The following ZNF732 variants were observed in gnomAD, a reference collection of about 807,000 sequenced individuals.
ZNF732 encodes zinc finger protein 732.
Under a neutral mutation model 11.5 loss-of-function variants are expected in ZNF732, and 12 were observed. The ratio of observed to expected loss-of-function variants is 1.05; its 90% CI spans 0.67 to 1.70. ZNF732 has a LOEUF of 1.70. Ranked by LOEUF, ZNF732 falls within the 40% of genes most tolerant of loss-of-function variation. The pLI, the probability that ZNF732 is intolerant of heterozygous loss-of-function variation, is 0.00. For synonymous variants in ZNF732, 231 were observed against 236.5 expected (o/e 0.98, Z 0.21); for missense variants, 702 against 676.9 (o/e 1.04, Z -0.41).
intron 3 of ZNF732, among the ~76,000 whole-genome samples, chr4:284,891 A>AAAAAAAAAAAAAAAAAAG (rs782343752): frequency 4.6e-5 from 6 of 129,120 alleles, no homozygotes; most frequent in East Asian, 2.2e-4. Context: ...AAAAAAAAAA[A>AAAAAAAAAAAAAAAAAAG]AAGAAGAAGA....
At position 304,758 on chromosome 4, in the gene ZNF732, C is replaced by A. The variant is rs984162623; in HGVS notation, c.3+550G>T. 5.3e-5 allele frequency among the ~76,000 whole-genome samples: 8 copies of A among 152,226 alleles called. No homozygotes were observed. In the South Asian group the frequency reaches 8.3e-4, roughly 16 times the overall value. On this transcript the variant is annotated intron_variant, in intron 1 of 3. Transcript: ENST00000419098. ...AAGATGCCACTCAGGAACAGCCACGCGGAGGAGGCGCACAGGGCAAGGGGA... is the reference window on the plus strand; with the variant it reads ...AAGATGCCACTCAGGAACAGCCACGAGGAGGAGGCGCACAGGGCAAGGGGA...
intron 3 of ZNF732, among the ~76,000 whole-genome samples, chr4:288,627 T>G (rs969490777): frequency 9.9e-5 from 15 of 152,266 alleles, no homozygotes; most frequent in African/African-American, 3.6e-4. Context: ...CCTCACTGTT[T>G]TTATTTATGT....
At chr4:295,584 C>G in intron 2 of ZNF732, 51 bp from the exon 3 acceptor site, 1 of 1,391,508 alleles carries the variant, frequency 7.2e-7, no homozygotes, top group Non-Finnish European at 1.0e-6. Context: ...CTCCAATTAC[C>G]TACCTAATAC....
chr4:271,745 A>C lies in ZNF732; in HGVS notation c.1112T>G (p.Phe371Cys). The C allele has an allele frequency of 6.2e-7, 1 of 1,612,226 alleles. No individual in the cohort carries two copies. The highest frequency in any genetic ancestry group is 1.3e-5 in the African/African-American group (1 of 74,962). ...TTTATTAAGGGTTGCGGATTGTCTA[A>C]AGGCTTTGCCACATTGTTCACATTT... The part of the protein sequence containing the change: ...PYKCEQCGKA[F>C]RQSATLNKHK... Residue 371 changes from phenylalanine (F) to cysteine (C), a missense_variant, in exon 4 of 4, where the codon TTT becomes TGT. Around this residue, in one of 3 missense-constraint regions of ZNF732, gnomAD observed 596 missense variants for 557.9 expected, o/e 1.07. Coordinates refer to ENST00000419098, the MANE Select transcript of ZNF732 (RefSeq NM_001137608.3).
At chr4:292,985 G>A (rs187144130) in intron 3 of ZNF732, among the ~76,000 whole-genome samples, 8,027 of 140,080 alleles carry the variant, frequency 0.057, 375 homozygotes, top group African/African-American at 0.12. Context: ...GGAGAATGGC[G>A]TGAACCCAGG....
At chr4:286,980 G>A (rs1266142120) in intron 3 of ZNF732, among the ~76,000 whole-genome samples, 2 of 151,930 alleles carry the variant, frequency 1.3e-5, no homozygotes, top group Non-Finnish European at 2.9e-5. Context: ...GTGAAACCCC[G>A]TCTCTACTAA....
At chr4:275,511 A>T (rs1374107416) in intron 3 of ZNF732, among the ~76,000 whole-genome samples, 1 of 151,744 alleles carries the variant, frequency 6.6e-6, no homozygotes, top group Non-Finnish European at 1.5e-5. Flanking sequence ...ATACAAATCT[A>T]AAGAATTAAA....
chr4:279,792 A>T (rs970619913), intron 3 of ZNF732, among the ~76,000 whole-genome samples: 1 of 152,210 alleles, frequency 6.6e-6, no homozygotes, highest in Non-Finnish European at 1.5e-5. Flanking sequence ...ACAGAATAAC[A>T]TATACTCAAA....
In ZNF732 at chr4:271,215, A is replaced by G. The variant is rs549742787; in HGVS notation, c.1642T>C (p.Tyr548His). 4 of 1,556,296 alleles carry G rather than the reference A, an allele frequency of 2.6e-6. No homozygotes were observed. The highest frequency in any genetic ancestry group is 4.9e-5 in the East Asian group (2 of 41,236). ...TTATCTCCAGTATGAATTGTCTTAT[A>G]TTTATTCAGGACTCTGGAACGTCTA... ...AFRRSRVLNK[Y>H]KTIHTGDKTP... The change falls in exon 4 of 4, where the codon TAT (tyrosine) becomes CAT (histidine). Residue 548 changes from tyrosine to histidine, a missense_variant. By Grantham distance (83) the Tyr-to-His change is moderately conservative. This residue lies in a region of ZNF732 where 94 missense variants were observed against 87.5 expected (regional missense o/e 1.07). Coordinates refer to ENST00000419098, the MANE Select transcript of ZNF732 (RefSeq NM_001137608.3).
chr4:272,092 A>C lies in ZNF732; in HGVS notation c.765T>G (p.Cys255Trp). ...TGEKSYKYEE[C>W]GKAFNRSSTL... ...TTGAGGACCTATTAAAGGCTTTGCC[A>C]CATTCTTCATATTTGTAAGATTTCT... Residue 255 changes from cysteine (C) to tryptophan (W), a missense_variant, in exon 4 of 4, where the codon TGT becomes TGG. Physicochemically the swap from Cys to Trp is radical, Grantham distance 215. This residue lies in a region of ZNF732 where 596 missense variants were observed against 557.9 expected (regional missense o/e 1.07). Coordinates refer to ENST00000419098, the MANE Select transcript of ZNF732 (RefSeq NM_001137608.3). The C allele has an allele frequency of 6.2e-7, 1 of 1,612,038 alleles. No homozygotes were observed. Among genetic ancestry groups the C allele is most frequent in the Non-Finnish European group, 8.5e-7 (1 of 1,178,948 alleles).
chr4:299,461 G>GTATATA (rs61392588), intron 1 of ZNF732, among the ~76,000 whole-genome samples: 11 of 83,570 alleles, frequency 1.3e-4, no homozygotes, highest in African/African-American at 6.5e-4. Context: ...ACACATATGT[G>GTATATA]TATATATATA....
chr4:271,429 A>G lies in ZNF732; in HGVS notation c.1428T>C (p.Cys476=). The G allele has an allele frequency of 1.2e-6, 2 of 1,603,378 alleles. No individual in the cohort carries two copies. Among genetic ancestry groups the G allele is most frequent in the Non-Finnish European group, 1.7e-6 (2 of 1,174,658 alleles). ...ATAAAAAGGCTTTGCCACACTCTTC[A>G]CATCTATAAGGTTTCTCTCCAGTAT... ...KIHTGEKPYR[C]EECGKAFLCS... The change falls in exon 4 of 4, where the codon TGT becomes TGC. Residue 476 remains cysteine (C), a synonymous_variant. Coordinates refer to ENST00000419098, the MANE Select transcript of ZNF732 (RefSeq NM_001137608.3).
At chr4:299,461 G>GTATATATATATACACATATGTGTATA (rs1560165280) in intron 1 of ZNF732, among the ~76,000 whole-genome samples, 1 of 83,570 alleles carries the variant, frequency 1.2e-5, no homozygotes, top group South Asian at 3.7e-4. Context: ...ACACATATGT[G>GTATATATATATACACATATGTGTATA]TATATATATA....
At chr4:279,528 G>GT (rs1375468900) in intron 3 of ZNF732, among the ~76,000 whole-genome samples, 5 of 151,664 alleles carry the variant, frequency 3.3e-5, no homozygotes, top group African/African-American at 4.8e-5. Flanking sequence ...TATAGAAATA[G>GT]TAAGTAAAAT....
chr4:295,951 C>A, intron 2 of ZNF732, 78 bp downstream of exon 2: 1 of 1,536,216 alleles, frequency 6.5e-7, no homozygotes, highest in South Asian at 1.2e-5. Flanking sequence ...CAGAAGGTTC[C>A]CAAGAGACAT....
At chr4:304,379 G>C (rs1210644241) in intron 1 of ZNF732, among the ~76,000 whole-genome samples, 1 of 151,974 alleles carries the variant, frequency 6.6e-6, no homozygotes, top group Non-Finnish European at 1.5e-5. Flanking sequence ...ACCCGGCCGC[G>C]CCTCCCGCAG....
chr4:285,998 C>G (rs1207560894), intron 3 of ZNF732, among the ~76,000 whole-genome samples: 2 of 152,228 alleles, frequency 1.3e-5, no homozygotes, highest in African/African-American at 4.8e-5. Context: ...GCTTCTTCCT[C>G]AGCAGAGAAA....
At chr4:285,156 T>C (rs1719704684) in intron 3 of ZNF732, among the ~76,000 whole-genome samples, 2 of 152,134 alleles carry the variant, frequency 1.3e-5, no homozygotes, top group South Asian at 4.1e-4. Context: ...TGAGGCATAC[T>C]ATGTTCACAG....
chr4:286,271 T>C (rs1553840592), intron 3 of ZNF732, among the ~76,000 whole-genome samples: 2 of 152,242 alleles, frequency 1.3e-5, no homozygotes, highest in Admixed American at 6.5e-5. Flanking sequence ...GCTATAGTTA[T>C]TGAAACAGTT....
Sources: allele counts gnomAD v4.1 joint callset (sites outside exome capture counted in the v4.1 genomes callset), GRCh38; gene constraint gnomAD v4.1.1; regional missense constraint gnomAD v4.1.1; transcripts MANE v1.5; gene names NCBI Gene and HGNC (gene_info 2026-07-23, HGNC 2026-07-21).